The following NCAPD3 variants were observed in gnomAD, a reference collection of about 807,000 sequenced individuals.
NCAPD3 encodes non-SMC condensin II complex subunit D3, also known as condensin-2 complex subunit D3.
In NCAPD3, 105 loss-of-function variants were observed where a neutral mutation model predicts 182.9. The ratio of observed to expected loss-of-function variants is 0.57; its 90% CI spans 0.49 to 0.68. The LOEUF is 0.68. NCAPD3 is among the 30% of genes least tolerant of loss of function. NCAPD3 has a pLI of 0.00. For synonymous variants in NCAPD3, 815 were observed against 679.9 expected (o/e 1.20, Z -3.09); for missense variants, 1,944 against 1,837.0 (o/e 1.06, Z -1.07).
At chr11:134,163,557 G>A (rs528803058) in intron 27 of NCAPD3, among the ~76,000 whole-genome samples, 17 of 152,048 alleles carry the variant, frequency 1.1e-4, no homozygotes, top group East Asian at 9.7e-4. Context: ...AAAACTAGCC[G>A]GCCGTGGTGG....
At position 134,205,452 on chromosome 11, in the gene NCAPD3, C is replaced by CTT. The variant is rs926592395; in HGVS notation, c.1017-482_1017-481insAA. Among the ~76,000 whole-genome samples the CTT allele has an allele frequency of 4.7e-5, 7 of 148,882 alleles. No homozygotes were observed. In the South Asian group the frequency reaches 8.5e-4, roughly 18 times the overall value. On this transcript the variant is annotated intron_variant, in intron 8 of 34. Transcript: ENST00000534548. ...CTGGAGCGCAATGGTGTGATCTCGGCTCACTGCAACTTCCCCCACCGGGTT... is the reference window on the plus strand; with the variant it reads ...CTGGAGCGCAATGGTGTGATCTCGGCTTTCACTGCAACTTCCCCCACCGGGTT...
chr11:134,164,264 G>A (rs1036233814), intron 27 of NCAPD3, among the ~76,000 whole-genome samples: 1 of 152,230 alleles, frequency 6.6e-6, no homozygotes, highest in African/African-American at 2.4e-5. Context: ...CAGTCTGCAA[G>A]AGCACCATAA....
At chr11:134,203,444 T>A (rs1294025091) in intron 11 of NCAPD3, among the ~76,000 whole-genome samples, 1 of 152,212 alleles carries the variant, frequency 6.6e-6, no homozygotes, top group African/African-American at 2.4e-5. Context: ...GATATGAACA[T>A]CTGAAATACT....
intron 13 of NCAPD3, among the ~76,000 whole-genome samples, chr11:134,196,949 G>A (rs916129559): frequency 1.3e-5 from 2 of 152,156 alleles, no homozygotes; most frequent in Non-Finnish European, 2.9e-5. Flanking sequence ...ATGTTGAACT[G>A]TAACACCCAG....
At chr11:134,224,264 G>A, upstream of NCAPD3, 1 of 418,342 alleles carries the variant, frequency 2.4e-6, no homozygotes, top group Non-Finnish European at 4.3e-6. Context: ...CTGAGATAGG[G>A]TACTTCCGGT....
chr11:134,188,841 A>G (rs1440045774), intron 16 of NCAPD3, among the ~76,000 whole-genome samples: 1 of 152,194 alleles, frequency 6.6e-6, no homozygotes, highest in Admixed American at 6.5e-5. Context: ...TTCCGGACAC[A>G]AAGGGTATCC....
At chr11:134,176,192 C>T in intron 24 of NCAPD3, 115 bp downstream of exon 24, 1 of 870,514 alleles carries the variant, frequency 1.1e-6, no homozygotes, top group Non-Finnish European at 1.8e-6. Flanking sequence ...CTGGCACCTA[C>T]CGAAAGCTCA....
intron 16 of NCAPD3, 82 bp downstream of exon 16, chr11:134,192,607 C>T (rs1297448873): frequency 1.6e-5 from 20 of 1,239,108 alleles, no homozygotes; most frequent in South Asian, 2.7e-5. Context: ...GCTGATTTTT[C>T]GAGGACCAAT....
chr11:134,210,387 G>A lies in NCAPD3; in HGVS notation c.450C>T (p.Ser150=). Residue 150 remains serine, a synonymous_variant, in exon 4 of 35, where the codon AGC becomes AGT. Transcript: ENST00000534548. ...FDKCIQTLKK[S]WPQESNLNRK... ...GATTCAAGTTAGATTCCTGGGGCCA[G>A]CTCTTCTTTAGAGTCTGAATGCATT... 1 of 1,614,140 alleles carries A rather than the reference G, an allele frequency of 6.2e-7. No homozygotes were observed. Among genetic ancestry groups the A allele is most frequent in the Non-Finnish European group, 8.5e-7 (1 of 1,179,984 alleles).
At chr11:134,155,441 A>G (rs1016075295) in intron 32 of NCAPD3, among the ~76,000 whole-genome samples, 44 of 152,302 alleles carry the variant, frequency 2.9e-4, no homozygotes, top group African/African-American at 9.6e-4. Context: ...AGACGGACAG[A>G]GACTGCATCA....
At chr11:134,175,843 G>C (rs529096909) in intron 24 of NCAPD3, among the ~76,000 whole-genome samples, 1 of 152,076 alleles carries the variant, frequency 6.6e-6, no homozygotes, top group Admixed American at 6.6e-5. Flanking sequence ...AAGGAGTCTT[G>C]TCATCTGTAC....
intron 30 of NCAPD3, 23 bp downstream of exon 30, chr11:134,158,306 T>G: frequency 6.2e-7 from 1 of 1,613,128 alleles, no homozygotes; most frequent in Non-Finnish European, 8.5e-7. Flanking sequence ...CCAGCCCTGA[T>G]GTGGCCTCCA....
chr11:134,210,456 T>A lies in NCAPD3; in HGVS notation c.383-2A>T, dbSNP rs1937792812. ...GGAATACTTGATTGGCTACACTGCC[T>A]ATTCATGAGGAATAAAGAGTAAGCA... On this transcript the variant is annotated splice_acceptor_variant, in intron 3 of 34. Coordinates refer to ENST00000534548, the MANE Select transcript of NCAPD3 (RefSeq NM_015261.3). LOFTEE classifies it high-confidence loss of function. 5 of 1,612,172 alleles carry A rather than the reference T, an allele frequency of 3.1e-6. No individual in the cohort carries two copies. The highest frequency in any genetic ancestry group is 4.2e-6 in the Non-Finnish European group (5 of 1,178,422).
At chr11:134,213,754 C>A (rs1030015642) in intron 3 of NCAPD3, among the ~76,000 whole-genome samples, 4 of 151,864 alleles carry the variant, frequency 2.6e-5, no homozygotes, top group Non-Finnish European at 4.4e-5. Context: ...CAACCAAGGA[C>A]AAATCTTAAG....
chr11:134,198,449 T>C (rs1256320565), intron 13 of NCAPD3, among the ~76,000 whole-genome samples: 1 of 152,212 alleles, frequency 6.6e-6, no homozygotes, highest in Non-Finnish European at 1.5e-5. Context: ...GATTGATGTC[T>C]GATGCCTCCC....
chr11:134,198,766 A>G (rs1429071888), intron 13 of NCAPD3, among the ~76,000 whole-genome samples: 2 of 152,252 alleles, frequency 1.3e-5, no homozygotes, highest in Admixed American at 6.5e-5. Flanking sequence ...GTTGCAGGAC[A>G]GAAGATCAAT....
chr11:134,203,343 G>A, intron 11 of NCAPD3, 145 bp from the exon 12 acceptor site: 1 of 708,720 alleles, frequency 1.4e-6, no homozygotes, highest in Non-Finnish European at 2.4e-6. Flanking sequence ...CGTTCTCCTT[G>A]GGTATGCATT....
Position 134,182,704 on chromosome 11 carries a change from A to C in NCAPD3, c.2452-1520T>G, listed in dbSNP as rs538141224. Among the ~76,000 whole-genome samples, 9 of 152,368 alleles carry C rather than the reference A, an allele frequency of 5.9e-5. No homozygotes were observed. The East Asian group carries it at 1.7e-3, about 29-fold the overall frequency. ...TCATCAATTTTTTAATGACAGTCAC[A>C]AAACAGATAACAAAAATGCCCAAAG... On this transcript the variant is annotated intron_variant, in intron 19 of 34. Coordinates refer to ENST00000534548, the MANE Select transcript of NCAPD3 (RefSeq NM_015261.3).
Position 134,204,843 on chromosome 11 carries a change from T to A in NCAPD3, c.1089+56A>T. ...CACACTCACACACACACACACACAT[T>A]TATCTTCACACACGATATACTTCCA... On this transcript the variant is annotated intron_variant, in intron 9 of 34. Transcript: ENST00000534548. The surrounding 1 kb of genome is among the most constrained non-coding windows in gnomAD (Gnocchi z 4.3). 7.2e-7 allele frequency: 1 copy of A among 1,393,666 alleles called. No homozygotes were observed. The highest frequency in any genetic ancestry group is 1.0e-6 in the Non-Finnish European group (1 of 986,150). The allele number at this position is 1,393,666 out of a possible 1,614,324, so 86.3% of individuals were successfully genotyped here.
Sources: gnomAD v4.1 joint callset for allele counts (sites outside exome capture counted in the v4.1 genomes callset) on GRCh38, gnomAD v4.1.1 for gene constraint, Gnocchi (gnomAD v3.1) non-coding constraint, MANE v1.5 for transcripts, NCBI Gene and HGNC (gene_info 2026-07-23, HGNC 2026-07-21) for gene names.